EXOC6B: variants seen among roughly 807,000 people sequenced by gnomAD.
The protein encoded by EXOC6B is SEC15 homolog B.
In EXOC6B, 54 loss-of-function variants were observed where a neutral mutation model predicts 113.5. The ratio of observed to expected loss-of-function variants is 0.48; its 90% CI spans 0.38 to 0.60. The LOEUF (loss-of-function observed/expected upper bound fraction) is 0.60. Ranked by LOEUF, EXOC6B falls within the 20% of genes least tolerant of loss-of-function variation. The pLI is 0.00. For missense variants in EXOC6B, 797 were observed against 977.5 expected (o/e 0.82, Z 2.46); for synonymous variants, 357 against 339.0 (o/e 1.05, Z -0.58).
chr2:72,800,488 TTC>T (rs1286185320), intron 1 of EXOC6B, among the ~76,000 whole-genome samples: 2 of 152,228 alleles, frequency 1.3e-5, no homozygotes, highest in African/African-American at 4.8e-5. Context: ...TAAAAAATGT[TTC>T]TTTTTATACT....
At chr2:72,701,990 A>T (rs968995534) in intron 6 of EXOC6B, among the ~76,000 whole-genome samples, 5 of 151,124 alleles carry the variant, frequency 3.3e-5, no homozygotes, top group African/African-American at 1.2e-4. Flanking sequence ...TTACATATGT[A>T]TACATGTGCC....
At chr2:72,296,615 A>G (rs1686150242) in intron 20 of EXOC6B, among the ~76,000 whole-genome samples, 1 of 152,198 alleles carries the variant, frequency 6.6e-6, no homozygotes, top group South Asian at 2.1e-4. Context: ...TGTATACATA[A>G]TACACTGAAA....
At chr2:72,611,972 A>G (rs1174778188) in intron 6 of EXOC6B, among the ~76,000 whole-genome samples, 1 of 152,164 alleles carries the variant, frequency 6.6e-6, no homozygotes, top group Non-Finnish European at 1.5e-5. Context: ...TAAACAATAA[A>G]TATTTCACAT....
chr2:72,740,178 T>C (rs1681212838), intron 2 of EXOC6B, among the ~76,000 whole-genome samples: 1 of 152,174 alleles, frequency 6.6e-6, no homozygotes. Flanking sequence ...CAGCCCACTT[T>C]GCCCCTTAGT....
At chr2:72,387,060 C>T (rs997842678) in intron 18 of EXOC6B, among the ~76,000 whole-genome samples, 2 of 152,156 alleles carry the variant, frequency 1.3e-5, no homozygotes, top group East Asian at 3.9e-4. Context: ...GACTAGCCTA[C>T]ACTGCTGACA....
At chr2:72,647,635 A>G (rs186040103) in intron 6 of EXOC6B, among the ~76,000 whole-genome samples, 1 of 152,304 alleles carries the variant, frequency 6.6e-6, no homozygotes, top group African/African-American at 2.4e-5. Flanking sequence ...ACACATCTAC[A>G]ACCATCTGAG....
At chr2:72,676,167 T>C (rs1321429192) in intron 6 of EXOC6B, among the ~76,000 whole-genome samples, 1 of 151,964 alleles carries the variant, frequency 6.6e-6, no homozygotes, top group Admixed American at 6.6e-5. Context: ...GGTTTTCAAC[T>C]TTTGAGAAGG....
At chr2:72,669,958 A>G (rs1675676331) in intron 6 of EXOC6B, among the ~76,000 whole-genome samples, 1 of 152,236 alleles carries the variant, frequency 6.6e-6, no homozygotes, top group Non-Finnish European at 1.5e-5. Flanking sequence ...TATGTTTTGC[A>G]CAGCTTTAAT....
chr2:72,375,553 T>C (rs1691305705), intron 19 of EXOC6B, among the ~76,000 whole-genome samples: 3 of 152,134 alleles, frequency 2.0e-5, no homozygotes, highest in African/African-American at 7.2e-5. Context: ...AAACAACACA[T>C]TTCCAAATAA....
chr2:72,737,654 G>T (rs1681049397), intron 2 of EXOC6B, among the ~76,000 whole-genome samples: 1 of 152,088 alleles, frequency 6.6e-6, no homozygotes. Flanking sequence ...AGGAGTTCCA[G>T]ACCAGCCTAG....
chr2:72,277,383 C>A (rs1270500725), intron 20 of EXOC6B, among the ~76,000 whole-genome samples: 2 of 152,170 alleles, frequency 1.3e-5, no homozygotes, highest in African/African-American at 2.4e-5. Flanking sequence ...TCTACCACCA[C>A]AGCATAGAAT....
intron 7 of EXOC6B, among the ~76,000 whole-genome samples, chr2:72,562,938 G>A (rs1390954394): frequency 1.3e-5 from 2 of 152,060 alleles, no homozygotes; most frequent in Non-Finnish European, 2.9e-5. Context: ...AAGAATTCAC[G>A]TGAAATAGTT....
chr2:72,634,483 G>C (rs888252256), intron 6 of EXOC6B, among the ~76,000 whole-genome samples: 12 of 152,162 alleles, frequency 7.9e-5, no homozygotes, highest in African/African-American at 2.9e-4. Flanking sequence ...GATGGTGTCA[G>C]AAAGGGCAGA....
chr2:72,446,003 G>A (rs1696552730), intron 18 of EXOC6B, among the ~76,000 whole-genome samples: 1 of 152,222 alleles, frequency 6.6e-6, no homozygotes. Flanking sequence ...ACAGAGGCTG[G>A]TGAGGTTTCA....
chr2:72,500,677 TC>T (rs1364779204), intron 11 of EXOC6B, among the ~76,000 whole-genome samples: 1 of 152,154 alleles, frequency 6.6e-6, no homozygotes, highest in Non-Finnish European at 1.5e-5. Flanking sequence ...TAACCTCATA[TC>T]AACAAATCAG....
chr2:72,776,123 C>T (rs1381381251), intron 1 of EXOC6B, among the ~76,000 whole-genome samples: 3 of 152,080 alleles, frequency 2.0e-5, no homozygotes, highest in African/African-American at 7.2e-5. Flanking sequence ...TACATATACC[C>T]TTACATATGT....
At chr2:72,732,704 G>A (rs959189438) in intron 3 of EXOC6B, among the ~76,000 whole-genome samples, 3 of 152,166 alleles carry the variant, frequency 2.0e-5, no homozygotes, top group African/African-American at 4.8e-5. Context: ...AAGAATGCAC[G>A]GGTGAGAGTG....
intron 18 of EXOC6B, among the ~76,000 whole-genome samples, chr2:72,421,722 T>C (rs1449569475): frequency 1.3e-5 from 2 of 152,232 alleles, no homozygotes; most frequent in Non-Finnish European, 2.9e-5. Flanking sequence ...GCTCCCACTT[T>C]GGCGGCACTT....
intron 20 of EXOC6B, among the ~76,000 whole-genome samples, chr2:72,225,802 G>C (rs540626951): frequency 6.6e-6 from 1 of 152,174 alleles, no homozygotes; most frequent in Admixed American, 6.5e-5. Flanking sequence ...CATATATAAA[G>C]CACCTCTTTA....
Sources: gnomAD v4.1 joint callset for allele counts (sites outside exome capture counted in the v4.1 genomes callset) on GRCh38, gnomAD v4.1.1 for gene constraint, MANE v1.5 for transcripts, NCBI Gene and HGNC (gene_info 2026-07-23, HGNC 2026-07-21) for gene names.